CAST: variants seen among roughly 807,000 people sequenced by gnomAD.
The protein encoded by CAST is calpastatin.
In CAST, 76 loss-of-function variants were observed where a neutral mutation model predicts 119.6. The ratio of observed to expected loss-of-function variants is 0.64; its 90% CI spans 0.53 to 0.77. The LOEUF (loss-of-function observed/expected upper bound fraction) is 0.77, where lower values mean the gene tolerates loss of function less well. Ranked by LOEUF, CAST falls within the 30% of genes least tolerant of loss-of-function variation. The pLI is 0.00. For missense variants in CAST, 953 were observed against 946.5 expected, an observed-to-expected ratio of 1.01 and a Z score of -0.09; for synonymous variants, 319 against 331.6, an observed-to-expected ratio of 0.96 and a Z score of 0.41.
chr5:96,208,644 T>A, the CAST span, among the ~76,000 whole-genome samples: 1 of 151,866 alleles, frequency 6.6e-6, no homozygotes, highest in African/African-American at 2.4e-5. Flanking sequence ...TTTTGAGTAA[T>A]CTTCTTGGTA....
chr5:96,213,100 C>G, the CAST span, among the ~76,000 whole-genome samples: 4 of 151,932 alleles, frequency 2.6e-5, no homozygotes, highest in African/African-American at 9.7e-5. Flanking sequence ...GCCTGAGTGA[C>G]AGAGTAATAT....
chr5:96,430,831 G>A, the CAST span, among the ~76,000 whole-genome samples: 1 of 152,064 alleles, frequency 6.6e-6, no homozygotes, highest in Non-Finnish European at 1.5e-5. Context: ...CCCACTATTT[G>A]TTAATGCTTT....
the CAST span, among the ~76,000 whole-genome samples, chr5:95,976,546 T>C: frequency 1.3e-5 from 2 of 152,180 alleles, no homozygotes; most frequent in Non-Finnish European, 2.9e-5. Flanking sequence ...AAGAGAGTTA[T>C]AGAATCTTCC....
chr5:96,449,642 G>C, the CAST span, among the ~76,000 whole-genome samples: 1 of 152,152 alleles, frequency 6.6e-6, no homozygotes, highest in South Asian at 2.1e-4. Flanking sequence ...TTTTTGCTTA[G>C]TTTTCTATGT....
the CAST span, among the ~76,000 whole-genome samples, chr5:96,456,883 T>C: frequency 6.6e-6 from 1 of 152,212 alleles, no homozygotes; most frequent in South Asian, 2.1e-4. Context: ...ATCTGATGGC[T>C]TTATAAGGGG....
chr5:96,740,612 G>T, intron 12 of CAST, 133 bp from the exon 13 acceptor site: 1 of 692,756 alleles, frequency 1.4e-6, no homozygotes, highest in East Asian at 2.5e-5. Context: ...TCGTTTTGAG[G>T]TACTGGGGTT....
chr5:96,425,925 T>C, the CAST span: 4 of 1,596,166 alleles, frequency 2.5e-6, no homozygotes, highest in Non-Finnish European at 3.4e-6. Context: ...GTTCAGCCCA[T>C]ATCACCTACA....
In CAST at chr5:96,739,768, G is replaced by T. The variant is rs114118540; in HGVS notation, c.799-270G>T. 3.4e-3 allele frequency among the ~76,000 whole-genome samples: 521 copies of T among 152,242 alleles called. 2 individuals are homozygous for T. The highest frequency in any genetic ancestry group is 0.012 in the African/African-American group (488 of 41,566). On this transcript the variant is annotated intron_variant, in intron 11 of 31. Coordinates refer to ENST00000675179, the MANE Select transcript of CAST (RefSeq NM_001750.7). Reference sequence around the variant, plus strand: ...GTATTGGTTAGAAACCTTAGATAATGAAAACATTTGAAAACAAAATGTATT... The same window carrying T: ...GTATTGGTTAGAAACCTTAGATAATTAAAACATTTGAAAACAAAATGTATT...
At chr5:95,977,015 T>C in the CAST span, among the ~76,000 whole-genome samples, 2 of 152,194 alleles carry the variant, frequency 1.3e-5, no homozygotes, top group Non-Finnish European at 2.9e-5. Context: ...CTCAGTAGCA[T>C]GATGATGATG....
chr5:96,218,158 T>C, the CAST span, among the ~76,000 whole-genome samples: 1 of 152,218 alleles, frequency 6.6e-6, no homozygotes, highest in Non-Finnish European at 1.5e-5. Flanking sequence ...GTTTTTAGGA[T>C]GCTATGTGAC....
rs1366039179 is a variant in CAST at position 96,746,381 on chromosome 5, G to A, written c.1240G>A (p.Asp414Asn). The A allele has an allele frequency of 6.2e-7, 1 of 1,612,848 alleles. No homozygotes were observed. Among genetic ancestry groups the A allele is most frequent in the African/African-American group, 1.3e-5 (1 of 74,896 alleles). Reference sequence around the variant, plus strand: ...AGAAAAACTAGAGAAGTGTGGTGAGGATGATGAAACAATCCCATCTGAGTA... The same window carrying A: ...AGAAAAACTAGAGAAGTGTGGTGAGAATGATGAAACAATCCCATCTGAGTA... ...KEEKLEKCGE[D>N]DETIPSEYRL... Residue 414 changes from aspartate (D) to asparagine (N), a missense_variant, in exon 17 of 32, where the codon GAT (aspartate) becomes AAT (asparagine). Coordinates refer to ENST00000675179, the MANE Select transcript of CAST (RefSeq NM_001750.7).
At chr5:96,674,460 G>C (rs912231508) in intron 1 of CAST, among the ~76,000 whole-genome samples, 2 of 151,978 alleles carry the variant, frequency 1.3e-5, no homozygotes, top group African/African-American at 4.8e-5. Context: ...CCAATGATGA[G>C]CTTTTATTTT....
the CAST span, among the ~76,000 whole-genome samples, chr5:96,259,231 C>A: frequency 6.6e-6 from 1 of 152,092 alleles, no homozygotes; most frequent in African/African-American, 2.4e-5. Flanking sequence ...TTACTAAGAA[C>A]CAGTTAGAAT....
the CAST span, among the ~76,000 whole-genome samples, chr5:96,179,186 CA>C: frequency 6.6e-6 from 1 of 152,204 alleles, no homozygotes; most frequent in Admixed American, 6.5e-5. Flanking sequence ...GTCTAAAACA[CA>C]CATATGACCA....
At chr5:96,597,878 C>T (rs55751508) in intron 1 of CAST, among the ~76,000 whole-genome samples, 13,268 of 149,290 alleles carry the variant, frequency 0.089, 749 homozygotes, top group Middle Eastern at 0.17. Context: ...TGAGTCACCC[C>T]AGTGAGGATC....
At chr5:96,064,251 A>G in the CAST span, among the ~76,000 whole-genome samples, 1 of 152,166 alleles carries the variant, frequency 6.6e-6, no homozygotes, top group Admixed American at 6.6e-5. Flanking sequence ...GTTAAAAGCC[A>G]TGCTTGGTTC....
chr5:96,437,520 T>G, the CAST span, among the ~76,000 whole-genome samples: 1 of 152,210 alleles, frequency 6.6e-6, no homozygotes, highest in African/African-American at 2.4e-5. Context: ...TCTCAGTGCA[T>G]AACTGCTGTC....
At chr5:96,254,860 T>A in the CAST span, among the ~76,000 whole-genome samples, 20 of 152,190 alleles carry the variant, frequency 1.3e-4, no homozygotes, top group African/African-American at 4.8e-4. Context: ...CACTATTTTT[T>A]AAATCTGTAT....
At chr5:96,432,850 T>A in the CAST span, 4 of 1,611,716 alleles carry the variant, frequency 2.5e-6, no homozygotes, top group Non-Finnish European at 3.4e-6. Context: ...TTCTTGAAAG[T>A]GGAAACTCTT....
Sources: gnomAD v4.1 joint callset for allele counts (sites outside exome capture counted in the v4.1 genomes callset) on GRCh38, gnomAD v4.1.1 for gene constraint, MANE v1.5 for transcripts, NCBI Gene and HGNC (gene_info 2026-07-23, HGNC 2026-07-21) for gene names.